The following CENPE variants were observed in gnomAD, a reference collection of about 807,000 sequenced individuals.
CENPE encodes centromere-associated protein E.
A neutral mutation model predicts 336.1 loss-of-function variants in CENPE; 145 were observed. That is an observed-to-expected ratio of 0.43 (90% CI 0.38 to 0.50). The LOEUF (loss-of-function observed/expected upper bound fraction) is 0.50. Ranked by LOEUF, CENPE falls within the 20% of genes least tolerant of loss-of-function variation. The probability of loss-of-function intolerance (pLI) is 0.00; values close to 1 mark genes in which losing one functional copy is unlikely to be tolerated. For synonymous variants in CENPE, 1,013 were observed against 984.8 expected (o/e 1.03, Z -0.54); for missense variants, 2,719 against 3,023.3 (o/e 0.90, Z 2.36).
At chr4:103,185,067 G>A (rs900023763) in intron 9 of CENPE, among the ~76,000 whole-genome samples, 1 of 152,084 alleles carries the variant, frequency 6.6e-6, no homozygotes, top group South Asian at 2.1e-4. Context: ...AACTTTGGGA[G>A]GCCGAGGTGG....
In CENPE at chr4:103,143,280, A is replaced by G; in HGVS notation, c.5272T>C (p.Leu1758=). Residue 1758 remains leucine, a synonymous_variant, in exon 34 of 49, where the codon TTA becomes CTA. Transcript: ENST00000265148. The part of the protein sequence containing the change: ...TNEISNMQKD[L]EHSNDALKAQ... ...TTTAAGGCATCATTTGAGTGTTCTA[A>G]GTCCTTTTGCATATTTGATATTTCA... is the stretch of plus-strand genomic sequence containing the variant. The G allele has an allele frequency of 6.2e-7, 1 of 1,606,256 alleles. No individual in the cohort carries two copies. The highest frequency in any genetic ancestry group is 8.5e-7 in the Non-Finnish European group (1 of 1,175,652).
intron 16 of CENPE, among the ~76,000 whole-genome samples, chr4:103,173,598 T>G (rs184111092): frequency 6.6e-6 from 1 of 151,938 alleles, no homozygotes; most frequent in Non-Finnish European, 1.5e-5. Flanking sequence ...TTGCAAAATA[T>G]TTGCAATATT....
At chr4:103,142,025 T>C in intron 34 of CENPE, 117 bp from the exon 35 acceptor site, 2 of 682,988 alleles carry the variant, frequency 2.9e-6, no homozygotes, top group South Asian at 2.0e-5. Flanking sequence ...ATCTTTGCTG[T>C]TGTTTTTAAG....
intron 25 of CENPE, among the ~76,000 whole-genome samples, chr4:103,151,644 T>G (rs779365044): frequency 2.0e-5 from 3 of 152,232 alleles, no homozygotes; most frequent in Non-Finnish European, 4.4e-5. Flanking sequence ...GAGCTTAGCT[T>G]ATTTCTACCT....
chr4:103,188,970 G>C lies in CENPE; in HGVS notation c.694-3109C>G, dbSNP rs12502620. 9.2e-5 allele frequency among the ~76,000 whole-genome samples: 14 copies of C among 152,148 alleles called. No individual in the cohort carries two copies. In the East Asian group the frequency reaches 2.3e-3, roughly 25 times the overall value. On this transcript the variant is annotated intron_variant, in intron 8 of 48. Transcript: ENST00000265148. ...AAATGATAAAGGGGATATCATCACC[G>C]ATCCCACAGAAATACAAACTACCAT...
At position 103,147,519 on chromosome 4, in the gene CENPE, G is replaced by A. The variant is rs370555065; in HGVS notation, c.3971C>T (p.Ala1324Val). ...CCTGAGCCTTTCCATTTCTATTCTT[G>A]CCAGTGTTGTTGAGTCCTTGGTTGT... ...QSTTKDSTTL[A>V]RIEMERLRLN... The change falls in exon 29 of 49, where the codon GCA becomes GTA. Residue 1324 changes from alanine to valine, a missense_variant. Physicochemically the swap from Ala to Val is moderately conservative, Grantham distance 64. Transcript: ENST00000265148. The A allele has an allele frequency of 6.2e-7, 1 of 1,613,666 alleles. No homozygotes were observed. The highest frequency in any genetic ancestry group is 1.3e-5 in the African/African-American group (1 of 74,772).
At chr4:103,112,756 ATATATATACTTATAAGTATATAAGTG>A in intron 46 of CENPE, among the ~76,000 whole-genome samples, 1 of 94,440 alleles carries the variant, frequency 1.1e-5, no homozygotes, top group East Asian at 2.6e-4. Flanking sequence ...ATATAAGTGT[ATATATATACTTATAAGTATATAAGTG>A]TATATATATA....
At chr4:103,190,200 G>A (rs1357877155) in intron 8 of CENPE, among the ~76,000 whole-genome samples, 6 of 152,252 alleles carry the variant, frequency 3.9e-5, no homozygotes, top group Middle Eastern at 6.8e-3. Context: ...TCAATATCGT[G>A]AAAATGGCCA....
chr4:103,165,781 T>C (rs1754857614), intron 16 of CENPE, among the ~76,000 whole-genome samples: 1 of 151,690 alleles, frequency 6.6e-6, no homozygotes. Flanking sequence ...CCCAGGAATG[T>C]GAGACTAGCC....
intron 40 of CENPE, among the ~76,000 whole-genome samples, chr4:103,135,159 C>A (rs144559015): frequency 1.3e-3 from 200 of 152,312 alleles, no homozygotes; most frequent in African/African-American, 4.6e-3. Flanking sequence ...GTTTTTATCC[C>A]AAGGCTCTTA....
chr4:103,106,195 A>G lies in CENPE; in HGVS notation c.*27T>C. The G allele has an allele frequency of 2.1e-6, 3 of 1,430,770 alleles. No individual in the cohort carries two copies. Among genetic ancestry groups the G allele is most frequent in the Middle Eastern group, 1.8e-4 (1 of 5,538 alleles). The allele number at this position is 1,430,770 out of a possible 1,614,324, so 88.6% of individuals were successfully genotyped here. A position where few individuals can be genotyped will look rare whatever the true frequency, so the allele number is the denominator to read the frequency against. On this transcript the variant is annotated 3_prime_UTR_variant, in exon 49 of 49. Coordinates refer to ENST00000265148, the MANE Select transcript of CENPE (RefSeq NM_001813.3). The stretch of plus-strand genomic sequence containing the variant: ...GTCATTTCCAAATAAGGAATGCTGG[A>G]TCTCCAGAGAAGTGACAAAGAGGAG...
At position 103,143,321 on chromosome 4, in the gene CENPE, A is replaced by T. The variant is rs1289407797; in HGVS notation, c.5231T>A (p.Val1744Asp). ...QETIDKLRGI[V>D]SEKTNEISNM... ...TGATATTTCATTTGTTTTCTCTGAA[A>T]CAATCCCTCTTAGTTTATCAATAGT... The change falls in exon 34 of 49, where the codon GTT (valine) becomes GAT (aspartate). Residue 1744 changes from valine (V) to aspartate (D), a missense_variant. Transcript: ENST00000265148. 3 of 1,606,670 alleles carry T rather than the reference A, an allele frequency of 1.9e-6. No homozygotes were observed. The highest frequency in any genetic ancestry group is 1.7e-6 in the Non-Finnish European group (2 of 1,173,782).
chr4:103,191,676 A>T (rs989335786), intron 8 of CENPE, among the ~76,000 whole-genome samples: 1 of 151,990 alleles, frequency 6.6e-6, no homozygotes, highest in African/African-American at 2.4e-5. Flanking sequence ...GGATAGCATT[A>T]GGAGATATAC....
rs1757701927 is a variant in CENPE at position 103,195,976 on chromosome 4, C to T, written c.301G>A (p.Asp101Asn). The change falls in exon 4 of 49, where the codon GAT (aspartate) becomes AAT (asparagine). Residue 101 changes from aspartate to asparagine, a missense_variant. Asp to Asn is a conservative substitution (Grantham distance 23). Around this residue, in one of 5 missense-constraint regions of CENPE, gnomAD observed 106 missense variants for 189.3 expected, o/e 0.56. Transcript: ENST00000265148. ...GCCCTGGGTATAACTCCCAAATGATCTTCTGAACCCATCATGGTATATGTT... is the reference window on the plus strand; with the variant it reads ...GCCCTGGGTATAACTCCCAAATGATTTTCTGAACCCATCATGGTATATGTT... ...GKTYTMMGSE[D>N]HLGVIPRAIH... is the part of the protein sequence containing the mutation. 2.5e-6 allele frequency: 4 copies of T among 1,613,802 alleles called. No homozygotes were observed. The highest frequency in any genetic ancestry group is 1.3e-5 in the African/African-American group (1 of 75,006).
rs1463860914 is a variant in CENPE, at chr4:103,123,045, G to A, written c.6969C>T (p.Thr2323=). 1 of 1,613,796 alleles carries A rather than the reference G, an allele frequency of 6.2e-7. No individual in the cohort carries two copies. The highest frequency in any genetic ancestry group is 8.5e-7 in the Non-Finnish European group (1 of 1,179,826). ...ESTEFEERSA[T]ISKEWEQDLK... Reference sequence around the variant, plus strand: ...GGTCCTGTTCCCACTCTTTGGATATGGTAGCACTTCTTTCCTCAAACTCTG... The same window carrying A: ...GGTCCTGTTCCCACTCTTTGGATATAGTAGCACTTCTTTCCTCAAACTCTG... Residue 2323 remains threonine, a synonymous_variant, in exon 43 of 49, where the codon ACC becomes ACT. Transcript: ENST00000265148.
intron 9 of CENPE, among the ~76,000 whole-genome samples, chr4:103,183,532 G>A (rs1756497687): frequency 6.6e-6 from 1 of 151,932 alleles, no homozygotes; most frequent in Non-Finnish European, 1.5e-5. Context: ...GAAGAGGGAG[G>A]GAAGAATGCA....
At position 103,136,373 on chromosome 4, in the gene CENPE, G is replaced by A; in HGVS notation, c.6304-14C>T. On this transcript the variant is annotated splice_polypyrimidine_tract_variant and intron_variant, in intron 39 of 48. Transcript: ENST00000265148. ...CTTCAAAAGCTCCTAAAGGAAATGA[G>A]AATTCACTCAATTTATAACAATTCA... 2 of 1,544,760 alleles carry A rather than the reference G, an allele frequency of 1.3e-6. No individual in the cohort carries two copies. The highest frequency in any genetic ancestry group is 1.4e-5 in the African/African-American group (1 of 73,106).
chr4:103,190,524 TA>T (rs1757213983), intron 8 of CENPE, among the ~76,000 whole-genome samples: 1 of 151,956 alleles, frequency 6.6e-6, no homozygotes, highest in Non-Finnish European at 1.5e-5. Context: ...ACAAACCTGA[TA>T]AAAACAAGAA....
intron 16 of CENPE, among the ~76,000 whole-genome samples, chr4:103,172,456 A>G (rs1755494991): frequency 6.6e-6 from 1 of 152,032 alleles, no homozygotes; most frequent in Admixed American, 6.6e-5. Flanking sequence ...CCTCAACACA[A>G]TAAAGGCCAC....
Sources: gnomAD v4.1 joint callset for allele counts (sites outside exome capture counted in the v4.1 genomes callset) on GRCh38, gnomAD v4.1.1 for gene constraint, gnomAD v4.1.1 regional missense constraint, MANE v1.5 for transcripts, NCBI Gene and HGNC (gene_info 2026-07-23, HGNC 2026-07-21) for gene names.